Variants in ACAD11 observed in about 807,000 individuals in gnomAD.
ACAD11 encodes the protein acyl-CoA dehydrogenase family member 11.
In ACAD11, 83 loss-of-function variants were observed where a neutral mutation model predicts 102.2. That is an observed-to-expected ratio of 0.81 (90% CI 0.68 to 0.97). ACAD11 has a LOEUF of 0.97. Ranked by LOEUF, ACAD11 falls within the 50% of genes least tolerant of loss-of-function variation. ACAD11 has a pLI of 0.00. For synonymous variants in ACAD11, 324 were observed against 319.8 expected, an observed-to-expected ratio of 1.01 and a Z score of -0.14; for missense variants, 901 against 951.7, an observed-to-expected ratio of 0.95 and a Z score of 0.70.
Position 132,631,496 on chromosome 3 carries a change from A to G in ACAD11, c.703-17T>C, listed in dbSNP as rs191398249. 4.9e-5 allele frequency: 71 copies of G among 1,447,226 alleles called. No individual in the cohort carries two copies. The East Asian group carries it at 1.7e-3, about 35-fold the overall frequency. 89.6% of individuals were successfully genotyped at this position (1,447,226 alleles called of 1,614,324 possible). A position where few individuals can be genotyped will look rare whatever the true frequency, so the allele number is the denominator to read the frequency against. On this transcript the variant is annotated splice_polypyrimidine_tract_variant and intron_variant, in intron 5 of 19. Coordinates refer to ENST00000264990, the MANE Select transcript of ACAD11 (RefSeq NM_032169.5). ...AACTCGACACTGTAATTAAAAATAA[A>G]GAGGTCTGTAACACATTAAAACTTA...
chr3:132,567,545 A>G (rs2107783272), intron 17 of ACAD11, among the ~76,000 whole-genome samples: 1 of 152,358 alleles, frequency 6.6e-6, no homozygotes, highest in Admixed American at 6.5e-5. Context: ...AATGCAGGAA[A>G]AGGAAAACAG....
chr3:132,645,615 T>C (rs1940687364), intron 1 of ACAD11, among the ~76,000 whole-genome samples: 1 of 151,982 alleles, frequency 6.6e-6, no homozygotes, highest in Non-Finnish European at 1.5e-5. Flanking sequence ...AAAGGAGAGA[T>C]CCTAAATTAA....
rs138569347 is a variant in ACAD11, at chr3:132,564,226, T to C, written c.2002-3009A>G. 8.8e-3 allele frequency among the ~76,000 whole-genome samples: 1,341 copies of C among 152,324 alleles called. 24 individuals carry two copies. The highest frequency in any genetic ancestry group is 0.031 in the African/African-American group (1,283 of 41,574). ...TTGCTGGTGGTTTTTGCATCTATAT[T>C]GGTCTATGGTTTGTTCTTGTCTGGT... On this transcript the variant is annotated intron_variant, in intron 17 of 19. Coordinates refer to ENST00000264990, the MANE Select transcript of ACAD11 (RefSeq NM_032169.5).
intron 5 of ACAD11, among the ~76,000 whole-genome samples, chr3:132,632,796 C>A (rs988929854): frequency 2.6e-5 from 4 of 152,186 alleles, no homozygotes; most frequent in South Asian, 4.1e-4. Flanking sequence ...TCCTTCACAT[C>A]CCTTGTAAGT....
chr3:132,604,921 T>C, intron 12 of ACAD11, 177 bp downstream of exon 12: 1 of 489,356 alleles, frequency 2.0e-6, no homozygotes, highest in East Asian at 3.1e-5. Context: ...GATCATATTT[T>C]TCTGAACATT....
At chr3:132,619,571 T>C in intron 9 of ACAD11, 26 bp from the exon 10 acceptor site, 2 of 1,344,672 alleles carry the variant, frequency 1.5e-6, no homozygotes, top group East Asian at 4.9e-5. Context: ...GAAAAAAATT[T>C]CACTAGCTAA....
intron 1 of ACAD11, among the ~76,000 whole-genome samples, chr3:132,646,699 G>A (rs889308973): frequency 3.9e-5 from 6 of 152,172 alleles, no homozygotes; most frequent in East Asian, 1.9e-4. Context: ...TCAAATATCC[G>A]TCTGCAGACA....
chr3:132,647,719 T>G (rs1287003457), intron 1 of ACAD11, among the ~76,000 whole-genome samples: 2 of 152,142 alleles, frequency 1.3e-5, no homozygotes, highest in Non-Finnish European at 2.9e-5. Context: ...CACCTTGATT[T>G]AGAAGTCTTA....
At chr3:132,647,595 G>A (rs1045433976) in intron 1 of ACAD11, 2 of 152,180 alleles carry the variant, frequency 1.3e-5, no homozygotes, top group Non-Finnish European at 2.9e-5. Flanking sequence ...CATCAGATGA[G>A]TTTCTTCAGC....
At chr3:132,636,628 G>A (rs369959688) in intron 5 of ACAD11, among the ~76,000 whole-genome samples, 2 of 152,054 alleles carry the variant, frequency 1.3e-5, no homozygotes, top group Non-Finnish European at 2.9e-5. Context: ...ATTTTATAGC[G>A]GGTAAAATAA....
In ACAD11 at chr3:132,626,818, C is replaced by A; in HGVS notation, c.1071-1G>T. On this transcript the variant is annotated splice_acceptor_variant, in intron 8 of 19. Coordinates refer to ENST00000264990, the MANE Select transcript of ACAD11 (RefSeq NM_032169.5). LOFTEE classifies it high-confidence loss of function. ...CTGTGGTAGTACAGTACTGAAAGTTCTTTGCCAAAAGAAAAAAGGAAAAAA... is the reference window on the plus strand; with the variant it reads ...CTGTGGTAGTACAGTACTGAAAGTTATTTGCCAAAAGAAAAAAGGAAAAAA... 1 of 1,599,734 alleles carries A rather than the reference C, an allele frequency of 6.3e-7. No individual in the cohort carries two copies. The highest frequency in any genetic ancestry group is 8.5e-7 in the Non-Finnish European group (1 of 1,176,150).
intron 13 of ACAD11, among the ~76,000 whole-genome samples, chr3:132,595,553 A>C (rs1201398520): frequency 1.3e-5 from 2 of 152,222 alleles, no homozygotes; most frequent in African/African-American, 2.4e-5. Flanking sequence ...CAAACTATGC[A>C]TCTGACAAAG....
intron 5 of ACAD11, among the ~76,000 whole-genome samples, chr3:132,637,955 T>C (rs1940335833): frequency 6.6e-6 from 1 of 152,186 alleles, no homozygotes; most frequent in Non-Finnish European, 1.5e-5. Flanking sequence ...ATTACAGAAA[T>C]GTACAATTAT....
At chr3:132,561,268 G>A (rs990898037) in intron 17 of ACAD11, 51 bp from the exon 18 acceptor site, 2 of 1,326,706 alleles carry the variant, frequency 1.5e-6, no homozygotes, top group Admixed American at 3.4e-5. Flanking sequence ...GCTGGTATCT[G>A]ATGTCCACGT....
At chr3:132,658,196 C>G (rs865886434) in intron 1 of ACAD11, among the ~76,000 whole-genome samples, 3 of 152,168 alleles carry the variant, frequency 2.0e-5, no homozygotes, top group African/African-American at 7.2e-5. Context: ...AAGATTGATT[C>G]TTTTGAGTTT....
chr3:132,561,689 T>C lies in ACAD11; in HGVS notation c.2002-472A>G, dbSNP rs556771245. Among the ~76,000 whole-genome samples the C allele has an allele frequency of 2.6e-5, 4 of 152,348 alleles. No homozygotes were observed. In the East Asian group the frequency reaches 7.7e-4, roughly 29 times the overall value. ...GCAATTTGCTGTGTTGTTATTGTTA[T>C]TTATTCATTAAAAATGACCTTTTCT... On this transcript the variant is annotated intron_variant, in intron 17 of 19. Coordinates refer to ENST00000264990, the MANE Select transcript of ACAD11 (RefSeq NM_032169.5).
Position 132,659,479 on chromosome 3 carries a change from G to A in ACAD11, c.149+124C>T. Reference sequence around the variant, plus strand: ...CAATAGCAGCTCATGCCTGTAGGGTGCGTCCACTGACTGCAGGAAAAGCAA... The same window carrying A: ...CAATAGCAGCTCATGCCTGTAGGGTACGTCCACTGACTGCAGGAAAAGCAA... On this transcript the variant is annotated intron_variant, in intron 1 of 19. Transcript: ENST00000264990. The A allele has an allele frequency of 7.3e-6, 10 of 1,366,588 alleles. No individual in the cohort carries two copies. The South Asian group carries it at 1.3e-4, about 18-fold the overall frequency. 84.7% of individuals were successfully genotyped at this position (1,366,588 alleles called of 1,614,324 possible).
intron 1 of ACAD11, among the ~76,000 whole-genome samples, chr3:132,656,729 T>C (rs1937826680): frequency 6.6e-6 from 1 of 152,134 alleles, no homozygotes; most frequent in African/African-American, 2.4e-5. Flanking sequence ...CGACCTCTGG[T>C]GATCCACCTG....
intron 5 of ACAD11, among the ~76,000 whole-genome samples, chr3:132,632,883 A>C (rs1940108287): frequency 6.6e-6 from 1 of 151,972 alleles, no homozygotes; most frequent in South Asian, 2.1e-4. Context: ...TCTGTCTGTT[A>C]TTGGTATATA....
Sources: allele counts gnomAD v4.1 joint callset (sites outside exome capture counted in the v4.1 genomes callset), GRCh38; gene constraint gnomAD v4.1.1; transcripts MANE v1.5; gene names NCBI Gene and HGNC (gene_info 2026-07-23, HGNC 2026-07-21).